The following RNF212B variants were observed in gnomAD, a reference collection of about 807,000 sequenced individuals.
The protein encoded by RNF212B is E3 ubiquitin-protein ligase RNF212B.
RNF212B carries 52 observed loss-of-function variants against 55.5 expected under a neutral mutation model. That is an observed-to-expected ratio of 0.94 (90% CI 0.75 to 1.18). The LOEUF is 1.18. Ranked by LOEUF, RNF212B falls within the 50% of genes most tolerant of loss-of-function variation. The probability of loss-of-function intolerance (pLI) is 0.00; values close to 1 mark genes in which losing one functional copy is unlikely to be tolerated. For synonymous variants in RNF212B, 99 were observed against 121.4 expected (o/e 0.82, Z 1.21); for missense variants, 289 against 350.4 (o/e 0.82, Z 1.40).
intron 2 of RNF212B, among the ~76,000 whole-genome samples, chr14:23,208,195 G>A (rs1455459787): frequency 6.6e-6 from 1 of 152,180 alleles, no homozygotes; most frequent in Non-Finnish European, 1.5e-5. Context: ...CTGGGTCAAG[G>A]AAAGCACGAG....
At chr14:23,232,112 G>C (rs1882677234) in intron 2 of RNF212B, among the ~76,000 whole-genome samples, 1 of 150,442 alleles carries the variant, frequency 6.6e-6, no homozygotes, top group Non-Finnish European at 1.5e-5. Flanking sequence ...CCATCGTCTG[G>C]GATGTGAGGA....
intron 2 of RNF212B, among the ~76,000 whole-genome samples, chr14:23,228,586 T>C (rs958717140): frequency 2.0e-5 from 3 of 151,406 alleles, no homozygotes; most frequent in African/African-American, 4.9e-5. Flanking sequence ...GACTTCCAGG[T>C]TGCAGTGACT....
intron 7 of RNF212B, 109 bp downstream of exon 7, chr14:23,260,796 C>T: frequency 9.9e-7 from 1 of 1,005,254 alleles, no homozygotes; most frequent in Non-Finnish European, 1.5e-6. Context: ...ATGAATTTAG[C>T]TTTCACTTCT....
intron 2 of RNF212B, 74 bp from the exon 3 acceptor site, chr14:23,243,182 G>T: frequency 1.9e-6 from 2 of 1,059,774 alleles, no homozygotes; most frequent in Non-Finnish European, 1.4e-6. Context: ...CTAGATTGTT[G>T]CCATGTACTT....
At position 23,259,738 on chromosome 14, in the gene RNF212B, A is replaced by C. The variant is rs1349432682; in HGVS notation, c.345-146A>C. ...CAAAACCCTGCCATTAGTCTCCTTG[A>C]ATCATCAAATCCCTGATAGAAATAG... is the stretch of plus-strand genomic sequence containing the variant. On this transcript the variant is annotated intron_variant, in intron 5 of 14. Coordinates refer to ENST00000430154, the MANE Select transcript of RNF212B (RefSeq NM_001282322.3). The C allele has an allele frequency of 6.5e-6, 3 of 460,550 alleles. No homozygotes were observed. In the East Asian group the frequency reaches 1.1e-4, roughly 17 times the overall value. 28.5% of individuals were successfully genotyped at this position (460,550 alleles called of 1,614,324 possible). A position where few individuals can be genotyped will look rare whatever the true frequency, so the allele number is the denominator to read the frequency against.
At chr14:23,267,115 T>A (rs1177631105) in intron 11 of RNF212B, among the ~76,000 whole-genome samples, 1 of 152,104 alleles carries the variant, frequency 6.6e-6, no homozygotes, top group Admixed American at 6.6e-5. Flanking sequence ...ACAAAAGGCA[T>A]GCACCACCAC....
At chr14:23,210,843 T>A (rs1419741532) in intron 2 of RNF212B, among the ~76,000 whole-genome samples, 1 of 146,260 alleles carries the variant, frequency 6.8e-6, no homozygotes, top group Non-Finnish European at 1.5e-5. Flanking sequence ...GGGTGAAGGA[T>A]ATCCAGGAAC....
chr14:23,216,060 A>T (rs1293961511), intron 2 of RNF212B, among the ~76,000 whole-genome samples: 1 of 89,352 alleles, frequency 1.1e-5, no homozygotes, highest in Non-Finnish European at 2.5e-5. Context: ...CCTGGCTAAC[A>T]CGGTGAAACC....
At chr14:23,248,295 T>G (rs954004020) in intron 4 of RNF212B, among the ~76,000 whole-genome samples, 3 of 150,080 alleles carry the variant, frequency 2.0e-5, no homozygotes, top group Admixed American at 1.3e-4. Context: ...ACCTGGCTAG[T>G]TTTTGTGTTT....
chr14:23,266,705 C>A lies in RNF212B; in HGVS notation c.634+2034C>A, dbSNP rs1050182577. 2.0e-5 allele frequency among the ~76,000 whole-genome samples: 3 copies of A among 152,198 alleles called. No individual in the cohort carries two copies. In the East Asian group the frequency reaches 5.8e-4, roughly 29 times the overall value. The stretch of plus-strand genomic sequence containing the variant: ...AGATTACAGGCGTGAGCCACCACAC[C>A]CGGCCTGATTTAAATCCTTTTAAAT... On this transcript the variant is annotated intron_variant, in intron 11 of 14. Transcript: ENST00000430154.
chr14:23,207,115 C>T (rs556230671), intron 2 of RNF212B, among the ~76,000 whole-genome samples: 3 of 152,218 alleles, frequency 2.0e-5, no homozygotes, highest in East Asian at 1.9e-4. Context: ...GGACAAAATG[C>T]TGCTATTTCA....
intron 2 of RNF212B, among the ~76,000 whole-genome samples, chr14:23,209,182 A>G (rs1880230064): frequency 6.6e-6 from 1 of 152,150 alleles, no homozygotes; most frequent in Non-Finnish European, 1.5e-5. Context: ...GTAAACTGTC[A>G]TGGTGCTGGT....
In RNF212B at chr14:23,269,890, G is replaced by T; in HGVS notation, c.702G>T (p.Gly234=). The T allele has an allele frequency of 6.5e-6, 10 of 1,548,856 alleles. No individual in the cohort carries two copies. Among genetic ancestry groups the T allele is most frequent in the Non-Finnish European group, 8.7e-6 (10 of 1,145,546 alleles). The change falls in exon 13 of 15, where the codon GGG becomes GGT. Residue 234 remains glycine (G), a synonymous_variant. Coordinates refer to ENST00000430154, the MANE Select transcript of RNF212B (RefSeq NM_001282322.3). ...CTTCATCTGCCTCCTCTGGACAGGGGATTTTTTCTTTCAGACCATCCCCAA... is the reference window on the plus strand; with the variant it reads ...CTTCATCTGCCTCCTCTGGACAGGGTATTTTTTCTTTCAGACCATCCCCAA... ...YRTSSASSGQ[G]IFSFRPSPNG...
intron 4 of RNF212B, among the ~76,000 whole-genome samples, chr14:23,255,941 T>C (rs1177593069): frequency 6.6e-6 from 1 of 152,180 alleles, no homozygotes; most frequent in African/African-American, 2.4e-5. Context: ...AATCACTGCT[T>C]CTTTAATACT....
intron 11 of RNF212B, among the ~76,000 whole-genome samples, chr14:23,266,824 A>C (rs895513720): frequency 1.3e-5 from 2 of 152,216 alleles, no homozygotes; most frequent in African/African-American, 2.4e-5. Context: ...TATTCTATAG[A>C]GTCTGCTAGG....
intron 2 of RNF212B, among the ~76,000 whole-genome samples, chr14:23,227,458 A>G (rs11624694): frequency 0.16 from 23,717 of 152,060 alleles, 1,934 homozygotes; most frequent in Non-Finnish European, 0.18. Context: ...GGCTGATTAC[A>G]TGGGTGTGTT....
At chr14:23,186,415 T>C (rs1175172266) in intron 1 of RNF212B, among the ~76,000 whole-genome samples, 7 of 151,882 alleles carry the variant, frequency 4.6e-5, no homozygotes, top group African/African-American at 1.7e-4. Context: ...CGATCTCGGC[T>C]CTCGGCTCAC....
intron 4 of RNF212B, among the ~76,000 whole-genome samples, chr14:23,250,168 C>T (rs538202543): frequency 2.0e-5 from 3 of 152,160 alleles, no homozygotes; most frequent in East Asian, 3.9e-4. Context: ...ACCTGAAATG[C>T]CTGATTTCTA....
intron 3 of RNF212B, among the ~76,000 whole-genome samples, chr14:23,243,717 A>AGCAAGCAAGC (rs1309298309): frequency 4.3e-5 from 5 of 116,842 alleles, no homozygotes; most frequent in African/African-American, 1.2e-4. Context: ...AAAAAAAAAA[A>AGCAAGCAAGC]AAGCAAGCAA....
Sources: allele counts gnomAD v4.1 joint callset (sites outside exome capture counted in the v4.1 genomes callset), GRCh38; gene constraint gnomAD v4.1.1; transcripts MANE v1.5; gene names NCBI Gene and HGNC (gene_info 2026-07-23, HGNC 2026-07-21).